Variants in PUS7L observed in about 807,000 individuals in gnomAD.
PUS7L encodes pseudouridine synthase 7 like.
In PUS7L, 49 loss-of-function variants were observed where a neutral mutation model predicts 51.1. That is an observed-to-expected ratio of 0.96 (90% CI 0.76 to 1.22). The LOEUF is 1.22. PUS7L is among the 50% of genes most tolerant of loss of function. The pLI is 0.00. For synonymous variants in PUS7L, 277 were observed against 276.2 expected (o/e 1.00, Z -0.03); for missense variants, 828 against 820.6 (o/e 1.01, Z -0.11).
In PUS7L at chr12:43,721,135, C is replaced by T. The variant is rs889476542; in HGVS notation, c.*9241G>A. On this transcript the variant is annotated 3_prime_UTR_variant, in exon 9 of 9. Transcript: ENST00000344862. ...GAGATAAGCAGATATTAAATAATCA[C>T]TAGCTAGGCAAAGTGGAAAACTGAA... The T allele has an allele frequency of 3.3e-5, 5 of 152,108 alleles. No individual in the cohort carries two copies. The highest frequency in any genetic ancestry group is 1.2e-4 in the African/African-American group (5 of 41,400). The allele number at this position is 152,108 out of a possible 1,614,324, so 9.4% of individuals were successfully genotyped here.
rs1273185136 is a variant in PUS7L, at chr12:43,724,358, G to C, written c.*6018C>G. 6.6e-6 allele frequency: 1 copy of C among 150,850 alleles called. No individual in the cohort carries two copies. The highest frequency in any genetic ancestry group is 1.5e-5 in the Non-Finnish European group (1 of 67,746). The allele number at this position is 150,850 out of a possible 1,614,324, so 9.3% of individuals were successfully genotyped here. ...TTTATGCTAAAACTAAGTCAGATCA[G>C]ACCTCAATGGAAAGTCATTAACCAT... On this transcript the variant is annotated 3_prime_UTR_variant, in exon 9 of 9. Coordinates refer to ENST00000344862, the MANE Select transcript of PUS7L (RefSeq NM_031292.5).
chr12:43,752,406 C>A lies in PUS7L; in HGVS notation c.910+1930G>T, dbSNP rs77387647. Among the ~76,000 whole-genome samples, 486 of 152,356 alleles carry A rather than the reference C, an allele frequency of 3.2e-3. 4 individuals carry two copies. In the East Asian group the frequency reaches 0.037, roughly 12 times the overall value. On this transcript the variant is annotated intron_variant, in intron 2 of 8. Transcript: ENST00000344862. ...TCAGAAGTCACCTCACATCCACATT[C>A]TCCCTCAAATTCTTTCCAAGTTCCA...
At chr12:43,753,846 A>C (rs977490307) in intron 2 of PUS7L, among the ~76,000 whole-genome samples, 2 of 152,170 alleles carry the variant, frequency 1.3e-5, no homozygotes, top group Non-Finnish European at 2.9e-5. Flanking sequence ...CATCTTGTCT[A>C]AAGACCAGCA....
At chr12:43,748,299 ATAAT>A (rs1382278138) in intron 3 of PUS7L, 147 bp downstream of exon 3, 5 of 495,908 alleles carry the variant, frequency 1.0e-5, no homozygotes, top group African/African-American at 3.9e-5. Context: ...AAGGCATAAT[ATAAT>A]TAATTAGGAA....
At chr12:43,754,241 T>G in intron 2 of PUS7L, 95 bp downstream of exon 2, 1 of 832,252 alleles carries the variant, frequency 1.2e-6, no homozygotes, top group East Asian at 2.5e-5. Flanking sequence ...ATATATTCTT[T>G]CCAATCTCTC....
At position 43,720,486 on chromosome 12, in the gene PUS7L, A is replaced by C. The variant is rs1944385235; in HGVS notation, c.*9890T>G. 1 of 152,214 alleles carries C rather than the reference A, an allele frequency of 6.6e-6. No homozygotes were observed. Among genetic ancestry groups the C allele is most frequent in the Admixed American group, 6.5e-5 (1 of 15,280 alleles). The allele number at this position is 152,214 out of a possible 1,614,324, so 9.4% of individuals were successfully genotyped here. A position where few individuals can be genotyped will look rare whatever the true frequency, so the allele number is the denominator to read the frequency against. On this transcript the variant is annotated 3_prime_UTR_variant, in exon 9 of 9. Transcript: ENST00000344862. ...GTGAGACTCCATCACAAAAAACAAA[A>C]AATAAATAAGTGCATCTCTTAATTT...
Position 43,730,578 on chromosome 12 carries a change from A to G in PUS7L, c.1904T>C (p.Leu635Pro), listed in dbSNP as rs747749378. 3 of 1,613,776 alleles carry G rather than the reference A, an allele frequency of 1.9e-6. No homozygotes were observed. Among genetic ancestry groups the G allele is most frequent in the South Asian group, 1.1e-5 (1 of 91,068 alleles). The change falls in exon 9 of 9, where the codon CTG becomes CCG. Residue 635 changes from leucine (L) to proline (P), a missense_variant. Transcript: ENST00000344862. ...CTGTCTATAGCAACCTGGTATATTC[A>G]GTTTCAGAGTAGGTACTTTAAACCT... ...TCRFKVPTLK[L>P]NIPGCYRQIL...
Position 43,755,077 on chromosome 12 carries a change from T to G in PUS7L, c.169A>C (p.Ile57Leu), listed in dbSNP as rs754849675. The G allele has an allele frequency of 1.5e-5, 25 of 1,613,566 alleles. No homozygotes were observed. Among genetic ancestry groups the G allele is most frequent in the Non-Finnish European group, 1.9e-5 (22 of 1,179,772 alleles). ...NKTIDEPIFK[I>L]SEIQLEPNNF... The stretch of plus-strand genomic sequence containing the variant: ...TTTGGCTCAAGTTGTATTTCACTAA[T>G]CTTGAAAATAGGCTCATCGATGGTC... Residue 57 changes from isoleucine (I) to leucine (L), a missense_variant, in exon 2 of 9, where the codon ATT (isoleucine) becomes CTT (leucine). Coordinates refer to ENST00000344862, the MANE Select transcript of PUS7L (RefSeq NM_031292.5).
At position 43,736,546 on chromosome 12, in the gene PUS7L, G is replaced by A; in HGVS notation, c.1560C>T (p.Phe520=). The A allele has an allele frequency of 6.2e-7, 1 of 1,614,024 alleles. No homozygotes were observed. The highest frequency in any genetic ancestry group is 1.1e-5 in the South Asian group (1 of 91,084). ...ATATGCGCATGGAATGGGGTAAAGA[G>A]AACCATGCCTGGATACAACCTTCCT... ...MTEEGCIQAW[F]SLPHSMRIFY... is the part of the protein sequence containing the mutation. The change falls in exon 7 of 9, where the codon TTC becomes TTT. Residue 520 remains phenylalanine, a synonymous_variant. Transcript: ENST00000344862.
chr12:43,748,774 A>G (rs1192555517), intron 2 of PUS7L, among the ~76,000 whole-genome samples, 165 bp from the exon 3 acceptor site: 1 of 152,166 alleles, frequency 6.6e-6, no homozygotes, highest in Admixed American at 6.5e-5. Flanking sequence ...ACCAGGCTGC[A>G]GTGCAGTGGC....
chr12:43,748,419 T>G (rs1426842967), intron 3 of PUS7L, 31 bp downstream of exon 3: 1 of 1,508,702 alleles, frequency 6.6e-7, no homozygotes, highest in Non-Finnish European at 9.0e-7. Context: ...TCTCAAAGTT[T>G]CTATCCTAAA....
intron 4 of PUS7L, among the ~76,000 whole-genome samples, chr12:43,745,435 A>C (rs1243893870): frequency 6.6e-6 from 1 of 152,166 alleles, no homozygotes; most frequent in Admixed American, 6.5e-5. Context: ...ATAGCGAGTG[A>C]GTTCTCACAA....
chr12:43,751,667 T>A lies in PUS7L; in HGVS notation c.910+2669A>T, dbSNP rs1174239018. 3.3e-5 allele frequency among the ~76,000 whole-genome samples: 5 copies of A among 152,184 alleles called. No individual in the cohort carries two copies. The East Asian group carries it at 7.7e-4, about 23-fold the overall frequency. On this transcript the variant is annotated intron_variant, in intron 2 of 8. Transcript: ENST00000344862. Reference sequence around the variant, plus strand: ...GTGCTGCAATAAACATACGTGTGCATGTGTCTTTATAGCAGCATGATTTAT... The same window carrying A: ...GTGCTGCAATAAACATACGTGTGCAAGTGTCTTTATAGCAGCATGATTTAT...
chr12:43,755,292 A>G (rs1157383550), intron 1 of PUS7L, 31 bp from the exon 2 acceptor site: 6 of 1,389,746 alleles, frequency 4.3e-6, no homozygotes, highest in Non-Finnish European at 4.9e-6. Flanking sequence ...GTGGTTAGTT[A>G]ACAGAAAGAG....
chr12:43,747,984 T>C (rs1198830060), intron 3 of PUS7L, among the ~76,000 whole-genome samples: 1 of 152,106 alleles, frequency 6.6e-6, no homozygotes, highest in East Asian at 2.0e-4. Flanking sequence ...AGATGGGGTT[T>C]CACCATGTTG....
chr12:43,725,426 T>A lies in PUS7L; in HGVS notation c.*4950A>T, dbSNP rs1944440908. ...TGGAAGTTATATTTTAATTTTTAGT[T>A]TAGTTTTTTTTTTTTTTTGAGGTGG... On this transcript the variant is annotated 3_prime_UTR_variant, in exon 9 of 9. Coordinates refer to ENST00000344862, the MANE Select transcript of PUS7L (RefSeq NM_031292.5). 7.1e-6 allele frequency: 1 copy of A among 140,188 alleles called. No individual in the cohort carries two copies. Among genetic ancestry groups the A allele is most frequent in the East Asian group, 1.9e-4 (1 of 5,152 alleles). The allele number at this position is 140,188 out of a possible 1,614,324, so 8.7% of individuals were successfully genotyped here. A position where few individuals can be genotyped will look rare whatever the true frequency, so the allele number is the denominator to read the frequency against.
At chr12:43,755,378 T>C in intron 1 of PUS7L, 117 bp from the exon 2 acceptor site, 1 of 620,624 alleles carries the variant, frequency 1.6e-6, no homozygotes, top group East Asian at 2.8e-5. Context: ...CTGAGTCTTC[T>C]TAAATGGTAT....
chr12:43,758,659 CCCCCCCCACACA>C lies in PUS7L; in HGVS notation c.-17+59_-17+70del. 6.9e-6 allele frequency: 5 copies of C among 727,078 alleles called. No individual in the cohort carries two copies. In the South Asian group the frequency reaches 2.2e-4, roughly 32 times the overall value. 45.0% of individuals were successfully genotyped at this position (727,078 alleles called of 1,614,324 possible). ...TCCTCAATGCCAACCTCGTCACCCC[CCCCCCCCACACA>C]CACACACACACACACACATACAAGC... On this transcript the variant is annotated intron_variant, in intron 1 of 8. Coordinates refer to ENST00000344862, the MANE Select transcript of PUS7L (RefSeq NM_031292.5).
chr12:43,758,615 T>C (rs540235958), intron 1 of PUS7L, 115 bp downstream of exon 1: 2 of 976,796 alleles, frequency 2.0e-6, no homozygotes, highest in African/African-American at 1.8e-5. Context: ...CACCTTTCTT[T>C]GGGCGCAAAG....
Sources: allele counts gnomAD v4.1 joint callset (sites outside exome capture counted in the v4.1 genomes callset), GRCh38; gene constraint gnomAD v4.1.1; transcripts MANE v1.5; gene names NCBI Gene and HGNC (gene_info 2026-07-23, HGNC 2026-07-21).